The following SPAG8 variants were observed in gnomAD, a reference collection of about 807,000 sequenced individuals.
The protein encoded by SPAG8 is sperm associated antigen 8, also known as sperm-associated antigen 8.
SPAG8 carries 36 observed loss-of-function variants against 45.3 expected under a neutral mutation model. The ratio of observed to expected loss-of-function variants is 0.80; its 90% CI spans 0.61 to 1.05. The LOEUF (loss-of-function observed/expected upper bound fraction) is 1.05, where lower values mean the gene tolerates loss of function less well. Among genes scored for constraint, SPAG8 ranks in the 50% least tolerant of loss-of-function variants. The probability of loss-of-function intolerance (pLI) is 0.00; values close to 1 mark genes in which losing one functional copy is unlikely to be tolerated. For synonymous variants in SPAG8, 227 were observed against 232.6 expected (o/e 0.98, Z 0.22); for missense variants, 573 against 609.2 (o/e 0.94, Z 0.63).
chr9:35,808,289 C>T (rs770942632), downstream of SPAG8: 3 of 1,611,840 alleles, frequency 1.9e-6, no homozygotes, highest in Non-Finnish European at 2.5e-6. The surrounding 1 kb of genome is among the most constrained non-coding windows in gnomAD (Gnocchi z 4.0). Flanking sequence ...CAAATGTTTA[C>T]TGAGTATTCA....
intron 5 of SPAG8, 30 bp from the exon 6 acceptor site, chr9:35,810,339 G>A (rs1828713989): frequency 6.2e-7 from 1 of 1,613,478 alleles, no homozygotes; most frequent in Admixed American, 1.7e-5. Context: ...GTAACTCCTG[G>A]CCTTCAGCCC....
Position 35,811,318 on chromosome 9 carries a change from G to T in SPAG8, c.728C>A (p.Pro243Gln). Residue 243 changes from proline (P) to glutamine (Q), a missense_variant, in exon 2 of 7, where the codon CCA becomes CAA. Coordinates refer to ENST00000396638, the MANE Select transcript of SPAG8 (RefSeq NM_001039592.2). ...TAAGACTTGCAAAAATTCCCAAGGT[G>T]GTTGTTTCTGGGGCTCCCAGGGGCA... The part of the protein sequence containing the change: ...QHCPWEPQKQ[P>Q]PWEFLQVLEP... The T allele has an allele frequency of 6.2e-7, 1 of 1,614,168 alleles. No homozygotes were observed. The highest frequency in any genetic ancestry group is 1.1e-5 in the South Asian group (1 of 91,078).
In SPAG8 at chr9:35,810,528, G is replaced by C. The variant is rs377210049; in HGVS notation, c.1111C>G (p.Pro371Ala). The C allele has an allele frequency of 6.2e-7, 1 of 1,614,048 alleles. No homozygotes were observed. Residue 371 changes from proline to alanine, a missense_variant, in exon 5 of 7, where the codon CCC (proline) becomes GCC (alanine). Pro to Ala is a conservative substitution (Grantham distance 27, BLOSUM62 -1). Coordinates refer to ENST00000396638, the MANE Select transcript of SPAG8 (RefSeq NM_001039592.2). ...ICKEVQAEQE[P>A]TRKLFEVESV... is the part of the protein sequence containing the mutation. ...TCAACCTCGAAGAGCTTCCTTGTGG[G>C]TTCCTGTTCTGCCTGCACCTCTTTA... is the stretch of plus-strand genomic sequence containing the variant.
In SPAG8 at chr9:35,810,093, T is replaced by G. The variant is rs191385095; in HGVS notation, c.1303A>C (p.Lys435Gln). Residue 435 changes from lysine (K) to glutamine (Q), a missense_variant, in exon 7 of 7, where the codon AAG becomes CAG. Transcript: ENST00000396638. Reference sequence around the variant, plus strand: ...ACTGGTGTTGAGAAGCTGCAGTTCTTCCGGAATGGTGTGTCCAATGTCCTG... The same window carrying G: ...ACTGGTGTTGAGAAGCTGCAGTTCTGCCGGAATGGTGTGTCCAATGTCCTG... Reference protein sequence around the residue: ...NIRTLDTPFRKNCSFSTPVPL... With the variant: ...NIRTLDTPFRQNCSFSTPVPL... 6.2e-7 allele frequency: 1 copy of G among 1,612,516 alleles called. No individual in the cohort carries two copies. The highest frequency in any genetic ancestry group is 8.5e-7 in the Non-Finnish European group (1 of 1,179,126).
chr9:35,808,925 C>A (rs1214074903), downstream of SPAG8: 13 of 1,069,548 alleles, frequency 1.2e-5, no homozygotes, highest in Non-Finnish European at 1.8e-5. This position sits in a 1 kb window ranked among gnomAD's most constrained non-coding sequence, Gnocchi z 4.0. Context: ...CATAATCCCT[C>A]CAATTTCTTA....
At position 35,811,865 on chromosome 9, in the gene SPAG8, TAGCTGCAGCAGCTGATGCAGCCGCTGC is replaced by T. The variant is rs755134863; in HGVS notation, c.154_180del (p.Ala52_Ala60del). The T allele has an allele frequency of 1.9e-6, 3 of 1,610,712 alleles. No individual in the cohort carries two copies. Among genetic ancestry groups the T allele is most frequent in the East Asian group, 2.2e-5 (1 of 44,750 alleles). On this transcript the variant is annotated inframe_deletion, in exon 2 of 7. Transcript: ENST00000396638. ...GCTTTGGCAGTGGTGAAGGCTGCAGTAGCTGCAGCAGCTGATGCAGCCGCTGCAGCTGCTGCGGTTGCAGCTGCCAGG... is the reference window on the plus strand; with the variant it reads ...GCTTTGGCAGTGGTGAAGGCTGCAGTAGCTGCTGCGGTTGCAGCTGCCAGG...
At chr9:35,810,770 T>C in intron 3 of SPAG8, 88 bp from the exon 4 acceptor site, 2 of 1,603,384 alleles carry the variant, frequency 1.2e-6, no homozygotes, top group Non-Finnish European at 1.7e-6. Flanking sequence ...AAGAAGAACC[T>C]TGGGGTTCCG....
downstream of SPAG8, chr9:35,808,236 A>G (rs761266456): frequency 3.1e-6 from 5 of 1,614,106 alleles, no homozygotes; most frequent in East Asian, 6.7e-5. This position sits in a 1 kb window ranked among gnomAD's most constrained non-coding sequence, Gnocchi z 4.0. Flanking sequence ...GGCAGAGCCT[A>G]TTTGTCCATG....
intron 6 of SPAG8, 32 bp downstream of exon 6, chr9:35,810,215 T>C: frequency 6.2e-7 from 1 of 1,613,038 alleles, no homozygotes. Flanking sequence ...CCTGCCCCGC[T>C]CTGCCCCCAA....
At chr9:35,808,358 G>A (rs752339133), downstream of SPAG8, 2 of 1,436,522 alleles carry the variant, frequency 1.4e-6, no homozygotes, top group East Asian at 4.5e-5. The surrounding 1 kb of genome is among the most constrained non-coding windows in gnomAD (Gnocchi z 4.0). Context: ...CTCTCCCCTA[G>A]ACTCAGGACC....
At position 35,811,867 on chromosome 9, in the gene SPAG8, G is replaced by T. The variant is rs149894384; in HGVS notation, c.179C>A (p.Ala60Asp). The T allele has an allele frequency of 3.1e-6, 5 of 1,610,322 alleles. No individual in the cohort carries two copies. Among genetic ancestry groups the T allele is most frequent in the African/African-American group, 2.7e-5 (2 of 74,864 alleles). ...TTTGGCAGTGGTGAAGGCTGCAGTA[G>T]CTGCAGCAGCTGATGCAGCCGCTGC... ...AAAAAASAAA[A>D]TAAFTTAKAA... Residue 60 changes from alanine to aspartate, a missense_variant, in exon 2 of 7, where the codon GCT (alanine) becomes GAT (aspartate). Ala to Asp is a moderately radical substitution (Grantham distance 126, BLOSUM62 -2). Coordinates refer to ENST00000396638, the MANE Select transcript of SPAG8 (RefSeq NM_001039592.2).
downstream of SPAG8, chr9:35,809,557 G>T: frequency 6.3e-7 from 1 of 1,576,200 alleles, no homozygotes. The surrounding 1 kb of genome is among the most constrained non-coding windows in gnomAD (Gnocchi z 4.1). Flanking sequence ...ATGGAAAACA[G>T]CCACAAAAAA....
rs566236794 is a variant in SPAG8 at position 35,812,136 on chromosome 9, G to A, written c.12C>T (p.Asn4=). Residue 4 remains asparagine, a synonymous_variant, in exon 1 of 7, where the codon AAC becomes AAT. Coordinates refer to ENST00000396638, the MANE Select transcript of SPAG8 (RefSeq NM_001039592.2). MET[N]ESTEGSRSRS... The stretch of plus-strand genomic sequence containing the variant: ...GCGACCGCGATCCCTCCGTAGACTC[G>A]TTGGTCTCCATCTTCAGACTCCAGC... The A allele has an allele frequency of 1.5e-5, 24 of 1,607,106 alleles. No homozygotes were observed. The highest frequency in any genetic ancestry group is 6.6e-5 in the South Asian group (6 of 91,078).
At position 35,811,678 on chromosome 9, in the gene SPAG8, T is replaced by G. The variant is rs1828809495; in HGVS notation, c.368A>C (p.Gln123Pro). ...ATGGTCAGTTGTAGTGCAAGTGTCC[T>G]GAGCAATACAGGAAACATAGACGGG... The part of the protein sequence containing the change: ...FEPVYVSCIA[Q>P]DTCTTTDHSS... The change falls in exon 2 of 7, where the codon CAG becomes CCG. Residue 123 changes from glutamine (Q) to proline (P), a missense_variant. By Grantham distance (76) the Gln-to-Pro change is moderately conservative (BLOSUM62 -1). Transcript: ENST00000396638. 1 of 1,614,084 alleles carries G rather than the reference T, an allele frequency of 6.2e-7. No homozygotes were observed. Among genetic ancestry groups the G allele is most frequent in the Non-Finnish European group, 8.5e-7 (1 of 1,180,046 alleles).
In SPAG8 at chr9:35,811,906, G is replaced by A; in HGVS notation, c.140C>T (p.Ala47Val). The change falls in exon 2 of 7, where the codon GCA becomes GTA. Residue 47 changes from alanine (A) to valine (V), a missense_variant. By Grantham distance (64) the Ala-to-Val change is moderately conservative (BLOSUM62 0). Coordinates refer to ENST00000396638, the MANE Select transcript of SPAG8 (RefSeq NM_001039592.2). ...DDSPRSALAAATAAAAAAASA... is the reference protein window; with the variant it reads ...DDSPRSALAAVTAAAAAAASA... ...TGCAGCCGCTGCAGCTGCTGCGGTT[G>A]CAGCTGCCAGGGCCGACCTGGGACT... is the stretch of plus-strand genomic sequence containing the variant. 3 of 1,610,200 alleles carry A rather than the reference G, an allele frequency of 1.9e-6. No homozygotes were observed. The highest frequency in any genetic ancestry group is 1.3e-5 in the African/African-American group (1 of 74,948).
chr9:35,810,274 G>T lies in SPAG8; in HGVS notation c.1236C>A (p.Phe412Leu). 1 of 1,614,186 alleles carries T rather than the reference G, an allele frequency of 6.2e-7. No individual in the cohort carries two copies. The highest frequency in any genetic ancestry group is 8.5e-7 in the Non-Finnish European group (1 of 1,180,026). Residue 412 changes from phenylalanine to leucine, a missense_variant, in exon 6 of 7, where the codon TTC (phenylalanine) becomes TTA (leucine). Transcript: ENST00000396638. ...GCAGCTGTGGTGCCCTCTGTATCCA[G>T]AAGGTCTCAGGTTGCTCCTGGCGGT... is the stretch of plus-strand genomic sequence containing the variant. Reference protein sequence around the residue: ...HDYRQEQPETFWIQRAPQLPG... With the variant: ...HDYRQEQPETLWIQRAPQLPG...
chr9:35,810,715 G>T, intron 3 of SPAG8, 33 bp from the exon 4 acceptor site: 1 of 1,613,952 alleles, frequency 6.2e-7, no homozygotes, highest in South Asian at 1.1e-5. Context: ...GCAAGGTGGG[G>T]TCTGGTTAAG....
chr9:35,810,194 G>T (rs745446965), intron 6 of SPAG8, 53 bp downstream of exon 6: 1 of 1,610,198 alleles, frequency 6.2e-7, no homozygotes, highest in Non-Finnish European at 8.5e-7. Context: ...AAACAACTCT[G>T]CCCTACCTTT....
chr9:35,811,928 G>A lies in SPAG8; in HGVS notation c.118C>T (p.Pro40Ser), dbSNP rs866427642. The A allele has an allele frequency of 2.5e-6, 4 of 1,606,596 alleles. No individual in the cohort carries two copies. The Middle Eastern group carries it at 6.7e-4, about 268-fold the overall frequency. ...SEPFPSSDDS[P>S]RSALAAATAA... is the part of the protein sequence containing the mutation. ...GTTGCAGCTGCCAGGGCCGACCTGGGACTGTCATCTGAAGAAGGAAACGGT... is the reference window on the plus strand; with the variant it reads ...GTTGCAGCTGCCAGGGCCGACCTGGAACTGTCATCTGAAGAAGGAAACGGT... Residue 40 changes from proline to serine, a missense_variant, in exon 2 of 7, where the codon CCC (proline) becomes TCC (serine). By Grantham distance (74) the Pro-to-Ser change is moderately conservative. Coordinates refer to ENST00000396638, the MANE Select transcript of SPAG8 (RefSeq NM_001039592.2).
Sources: gnomAD v4.1 joint callset for allele counts on GRCh38, gnomAD v4.1.1 for gene constraint, Gnocchi (gnomAD v3.1) non-coding constraint, MANE v1.5 for transcripts, NCBI Gene and HGNC (gene_info 2026-07-23, HGNC 2026-07-21) for gene names.